The following RCBTB2 variants were observed in gnomAD, a reference collection of about 807,000 sequenced individuals.
The protein encoded by RCBTB2 is RCC1 and BTB domain-containing protein 2.
Under a neutral mutation model 65.4 loss-of-function variants are expected in RCBTB2, and 55 were observed. That is an observed-to-expected ratio of 0.84 (90% CI 0.68 to 1.05). The LOEUF (loss-of-function observed/expected upper bound fraction) is 1.05, where lower values mean the gene tolerates loss of function less well. Ranked by LOEUF, RCBTB2 falls within the 50% of genes least tolerant of loss-of-function variation. The probability of loss-of-function intolerance (pLI) is 0.00; values close to 1 mark genes in which losing one functional copy is unlikely to be tolerated. For synonymous variants in RCBTB2, 220 were observed against 255.2 expected, an observed-to-expected ratio of 0.86 and a Z score of 1.31; for missense variants, 599 against 680.1, an observed-to-expected ratio of 0.88 and a Z score of 1.33.
At chr13:48,527,337 G>GATATATATATATCTC (rs1951816939) in intron 1 of RCBTB2, among the ~76,000 whole-genome samples, 1 of 112,198 alleles carries the variant, frequency 8.9e-6, no homozygotes, top group African/African-American at 6.5e-5. Flanking sequence ...ATATATATAT[G>GATATATATATATCTC]ATATATATAT....
intron 14 of RCBTB2, among the ~76,000 whole-genome samples, chr13:48,493,259 ACTCTTCTCT>A (rs1949782555): frequency 1.6e-5 from 2 of 121,816 alleles, no homozygotes; most frequent in African/African-American, 6.8e-5. Flanking sequence ...ACACACACAC[ACTCTTCTCT>A]CTCTCACCCT....
intron 2 of RCBTB2, among the ~76,000 whole-genome samples, chr13:48,524,433 T>A (rs1951596786): frequency 6.6e-6 from 1 of 152,216 alleles, no homozygotes; most frequent in East Asian, 1.9e-4. Context: ...ATGAAACAGG[T>A]TAATCATTGC....
rs1421017901 is a variant in RCBTB2 at position 48,522,367 on chromosome 13, A to T, written c.-83T>A. 1 of 1,515,200 alleles carries T rather than the reference A, an allele frequency of 6.6e-7. No individual in the cohort carries two copies. The highest frequency in any genetic ancestry group is 2.0e-5 in the Admixed American group (1 of 50,924). The allele number at this position is 1,515,200 out of a possible 1,614,324, so 93.9% of individuals were successfully genotyped here. ...AAATCACGGGGAAGAGCGGACATCA[A>T]TTCTCAGCTCCACAGAAGAATATAT... On this transcript the variant is annotated 5_prime_UTR_variant, in exon 3 of 15. In the 5' UTR this introduces an upstream ATG that the reference lacks. Coordinates refer to ENST00000344532, the MANE Select transcript of RCBTB2 (RefSeq NM_001268.4).
chr13:48,532,601 G>A (rs1952207438), intron 1 of RCBTB2: 2 of 193,128 alleles, frequency 1.0e-5, no homozygotes, highest in South Asian at 6.4e-5. Flanking sequence ...TGGGAGCTTA[G>A]GATGAGAGCG....
rs376073113 is a variant in RCBTB2, at chr13:48,501,880, A to C, written c.1118-12T>G. 2.5e-6 allele frequency: 4 copies of C among 1,612,532 alleles called. No individual in the cohort carries two copies. In the African/African-American group the frequency reaches 5.3e-5, roughly 22 times the overall value. On this transcript the variant is annotated splice_polypyrimidine_tract_variant and intron_variant, in intron 11 of 14. Coordinates refer to ENST00000344532, the MANE Select transcript of RCBTB2 (RefSeq NM_001268.4). ...GTGGTCATCAGGTTCTAGGAGAATA[A>C]TGCAAATGCTTCCAGAGTTAGCTAC...
intron 14 of RCBTB2, 35 bp from the exon 15 acceptor site, chr13:48,490,286 A>C: frequency 6.4e-7 from 1 of 1,572,892 alleles, no homozygotes; most frequent in Non-Finnish European, 8.7e-7. Flanking sequence ...TAATAAATTC[A>C]TATTTACTAA....
intron 13 of RCBTB2, among the ~76,000 whole-genome samples, chr13:48,498,286 T>A (rs922615314): frequency 5.9e-5 from 9 of 152,232 alleles, no homozygotes; most frequent in Non-Finnish European, 1.3e-4. Context: ...TTAATGAAAT[T>A]ACATTTTTCA....
In RCBTB2 at chr13:48,510,758, T is replaced by A; in HGVS notation, c.797A>T (p.Tyr266Phe). 6.2e-7 allele frequency: 1 copy of A among 1,612,272 alleles called. No individual in the cohort carries two copies. The highest frequency in any genetic ancestry group is 1.1e-5 in the South Asian group (1 of 91,006). ...ATCTGTTAATACTAATGTGTGTGCG[T>A]AGCCACAGGCGACCTGGAAGGAAAA... ...GIRVQRVACG[Y>F]AHTLVLTDEG... Residue 266 changes from tyrosine to phenylalanine, a missense_variant, in exon 10 of 15, where the codon TAC becomes TTC. Tyr to Phe is a conservative substitution (Grantham distance 22, BLOSUM62 3). Coordinates refer to ENST00000344532, the MANE Select transcript of RCBTB2 (RefSeq NM_001268.4).
chr13:48,535,794 G>T, upstream of RCBTB2: 1 of 456,178 alleles, frequency 2.2e-6, no homozygotes, highest in East Asian at 7.0e-5. Flanking sequence ...CCATCTCACT[G>T]GCAGCTCCAT....
chr13:48,521,898 C>T lies in RCBTB2; in HGVS notation c.42G>A (p.Lys14=). Residue 14 remains lysine (K), a splice_region_variant and synonymous_variant, in exon 4 of 15, where the codon AAG becomes AAA. Transcript: ENST00000344532. ...ELPLFSGDSG[K]PVQATLSSLK... ...TCCAAGGGCATGATTTTTTTCTAAC[C>T]TTGCCACTGTCTCCAGAGAAAAGAG... 6.2e-7 allele frequency: 1 copy of T among 1,613,638 alleles called. No individual in the cohort carries two copies. The highest frequency in any genetic ancestry group is 8.5e-7 in the Non-Finnish European group (1 of 1,179,752).
intron 10 of RCBTB2, among the ~76,000 whole-genome samples, chr13:48,505,035 G>C (rs960809270): frequency 8.6e-5 from 13 of 150,774 alleles, no homozygotes; most frequent in Admixed American, 1.3e-4. Flanking sequence ...ACCTAGGTTT[G>C]TTTTTTATTT....
chr13:48,527,332 T>TATGATATATATATATATATC, intron 1 of RCBTB2, among the ~76,000 whole-genome samples: 1 of 130,456 alleles, frequency 7.7e-6, no homozygotes, highest in African/African-American at 4.0e-5. Context: ...TATATATATA[T>TATGATATATATATATATATC]ATATGATATA....
intron 14 of RCBTB2, 33 bp downstream of exon 14, chr13:48,496,158 G>A (rs200532921): frequency 4.0e-4 from 568 of 1,420,498 alleles, no homozygotes; most frequent in Middle Eastern, 5.7e-4. Context: ...CATTTCTCCA[G>A]GAGGCCGGCA....
Position 48,527,369 on chromosome 13 carries a change from G to GATATATATATATGAT in RCBTB2, c.-218-2627_-218-2613dup, listed in dbSNP as rs1951854065. ...ATATATATGATATATATTTATATAT[G>GATATATATATATGAT]ATATATATATATGATATATATTTAT... is the stretch of plus-strand genomic sequence containing the variant. On this transcript the variant is annotated intron_variant, in intron 1 of 14. Coordinates refer to ENST00000344532, the MANE Select transcript of RCBTB2 (RefSeq NM_001268.4). Among the ~76,000 whole-genome samples, 715 of 99,710 alleles carry GATATATATATATGAT rather than the reference G, an allele frequency of 7.2e-3. 33 individuals are homozygous for GATATATATATATGAT. The highest frequency in any genetic ancestry group is 0.034 in the African/African-American group (669 of 19,904). 65.4% of individuals were successfully genotyped at this position (99,710 alleles called of 152,430 possible). A position where few individuals can be genotyped will look rare whatever the true frequency, so the allele number is the denominator to read the frequency against.
At chr13:48,509,091 G>A (rs1037756222) in intron 10 of RCBTB2, among the ~76,000 whole-genome samples, 22 of 152,292 alleles carry the variant, frequency 1.4e-4, no homozygotes, top group African/African-American at 5.1e-4. Context: ...AGCACTTTGG[G>A]AGACCGAGAT....
chr13:48,503,028 A>C (rs1593645484), intron 10 of RCBTB2, 114 bp from the exon 11 acceptor site: 1 of 1,192,974 alleles, frequency 8.4e-7, no homozygotes, highest in East Asian at 2.8e-5. Flanking sequence ...AAAAAGGGTC[A>C]GGAAAAGGAA....
In RCBTB2 at chr13:48,518,471, A is replaced by AT. The variant is rs1420985363; in HGVS notation, c.43-2731_43-2730insA. On this transcript the variant is annotated intron_variant, in intron 4 of 14. Coordinates refer to ENST00000344532, the MANE Select transcript of RCBTB2 (RefSeq NM_001268.4). ...CAGAGTACTTTGCAAAAAAAAAAAA[A>AT]AATATATATATATATATATATATAT... Among the ~76,000 whole-genome samples, 665 of 131,944 alleles carry AT rather than the reference A, an allele frequency of 5.0e-3. 4 individuals carry two copies. Among genetic ancestry groups the AT allele is most frequent in the African/African-American group, 0.013 (407 of 31,492 alleles). The allele number at this position is 131,944 out of a possible 152,430, so 86.6% of individuals were successfully genotyped here.
intron 1 of RCBTB2, among the ~76,000 whole-genome samples, chr13:48,525,888 A>G (rs1264832258): frequency 1.3e-5 from 2 of 152,192 alleles, no homozygotes; most frequent in African/African-American, 4.8e-5. Context: ...TGCAGAAGAC[A>G]GTACTATTTT....
At chr13:48,498,109 A>C (rs1387470221) in intron 13 of RCBTB2, among the ~76,000 whole-genome samples, 1 of 152,184 alleles carries the variant, frequency 6.6e-6, no homozygotes, top group Non-Finnish European at 1.5e-5. Flanking sequence ...CCCTGGCCCA[A>C]AAGGGTAACC....
Sources: allele counts gnomAD v4.1 joint callset (sites outside exome capture counted in the v4.1 genomes callset), GRCh38; gene constraint gnomAD v4.1.1; transcripts MANE v1.5; gene names NCBI Gene and HGNC (gene_info 2026-07-23, HGNC 2026-07-21).